Variants in PTK2B observed in about 807,000 individuals in gnomAD.
The protein encoded by PTK2B is protein-tyrosine kinase 2-beta.
In PTK2B, 71 loss-of-function variants were observed where a neutral mutation model predicts 142.9. The ratio of observed to expected loss-of-function variants is 0.50; its 90% CI spans 0.41 to 0.61. PTK2B has a LOEUF of 0.61. Among genes scored for constraint, PTK2B ranks in the 20% least tolerant of loss-of-function variants. The pLI is 0.00. For missense variants in PTK2B, 1,105 were observed against 1,320.4 expected (o/e 0.84, Z 2.53); for synonymous variants, 519 against 503.4 (o/e 1.03, Z -0.42).
At chr8:27,317,881 T>C (rs1036318136) in intron 3 of PTK2B, among the ~76,000 whole-genome samples, 3 of 152,224 alleles carry the variant, frequency 2.0e-5, no homozygotes, top group Non-Finnish European at 2.9e-5. Context: ...GACAGCCAAC[T>C]TGGCAACTGG....
chr8:27,403,832 CTTCT>C (rs1434331549), intron 2 of PTK2B, among the ~76,000 whole-genome samples: 2 of 151,870 alleles, frequency 1.3e-5, no homozygotes, highest in South Asian at 2.1e-4. Flanking sequence ...TTTCTTTTTT[CTTCT>C]TTCTTCTCTC....
chr8:27,453,659 C>T (rs1248855404), intron 28 of PTK2B, among the ~76,000 whole-genome samples: 5 of 152,204 alleles, frequency 3.3e-5, no homozygotes, highest in African/African-American at 9.6e-5. Flanking sequence ...GCAGGAGGAT[C>T]GCTTGAGCCC....
chr8:27,390,723 A>C (rs1807666053), intron 1 of PTK2B, among the ~76,000 whole-genome samples: 3 of 152,194 alleles, frequency 2.0e-5, no homozygotes, highest in African/African-American at 7.2e-5. Context: ...TCTTCTTCCA[A>C]GTCACAGACA....
chr8:27,325,447 C>G (rs1046013596), upstream of PTK2B: 1 of 152,220 alleles, frequency 6.6e-6, no homozygotes, highest in East Asian at 1.9e-4. Flanking sequence ...GAGGCTGGAG[C>G]CGGCACACAC....
chr8:27,374,746 A>G (rs1351878146), intron 1 of PTK2B, among the ~76,000 whole-genome samples: 1 of 152,180 alleles, frequency 6.6e-6, no homozygotes, highest in Non-Finnish European at 1.5e-5. Flanking sequence ...CTCTGGGAGA[A>G]GCAGTCCCTC....
chr8:27,402,053 A>G (rs1215688563), intron 2 of PTK2B, among the ~76,000 whole-genome samples: 1 of 152,236 alleles, frequency 6.6e-6, no homozygotes, highest in Non-Finnish European at 1.5e-5. Context: ...CACTTCATAT[A>G]TAAGGAAACT....
At chr8:27,335,309 A>C (rs900822359) in intron 1 of PTK2B, among the ~76,000 whole-genome samples, 2 of 152,190 alleles carry the variant, frequency 1.3e-5, no homozygotes, top group African/African-American at 4.8e-5. Flanking sequence ...AAATGCTTTC[A>C]GGGCCAATTG....
intron 3 of PTK2B, among the ~76,000 whole-genome samples, 176 bp downstream of exon 3, chr8:27,420,249 C>T (rs1809661221): frequency 6.6e-6 from 1 of 152,146 alleles, no homozygotes; most frequent in Non-Finnish European, 1.5e-5. Context: ...CAGGACCTAA[C>T]CTGGGCTTCA....
intron 2 of PTK2B, among the ~76,000 whole-genome samples, chr8:27,399,673 G>C (rs2131446001): frequency 6.6e-6 from 1 of 152,314 alleles, no homozygotes; most frequent in African/African-American, 2.4e-5. Flanking sequence ...ATTATCTGGG[G>C]TCGGTGGGGA....
At chr8:27,451,672 T>C (rs956640127) in intron 27 of PTK2B, 163 bp downstream of exon 27, 6 of 1,476,892 alleles carry the variant, frequency 4.1e-6, no homozygotes, top group Non-Finnish European at 4.5e-6. Flanking sequence ...CAGCTTCCCC[T>C]CCGCTCCCTC....
chr8:27,433,302 C>A (rs1810556585), intron 10 of PTK2B, 133 bp from the exon 11 acceptor site: 8 of 743,224 alleles, frequency 1.1e-5, no homozygotes, highest in Non-Finnish European at 1.6e-5. Context: ...GGCAGGGCCC[C>A]AGGAGAGGTG....
intron 1 of PTK2B, among the ~76,000 whole-genome samples, chr8:27,385,307 G>A (rs888960210): frequency 6.6e-6 from 1 of 152,200 alleles, no homozygotes; most frequent in African/African-American, 2.4e-5. Context: ...CAAGGTCTCA[G>A]GGCTGGAGAG....
In PTK2B at chr8:27,451,366, A is replaced by T. The variant is rs1811799616; in HGVS notation, c.2524-119A>T. The T allele has an allele frequency of 4.0e-6, 6 of 1,504,390 alleles. No homozygotes were observed. In the East Asian group the frequency reaches 1.2e-4, roughly 29 times the overall value. The allele number at this position is 1,504,390 out of a possible 1,614,324, so 93.2% of individuals were successfully genotyped here. On this transcript the variant is annotated intron_variant, in intron 26 of 30. Transcript: ENST00000346049. ...CGAGCTGCTCCCAGAAGCACCCCCG[A>T]CCCCATGGCTGTAATCTCTAAACAC...
At chr8:27,311,564 C>A in exon 1 of PTK2B, 1 of 376,090 alleles carries the variant, frequency 2.7e-6, no homozygotes, top group Non-Finnish European at 4.8e-6. Flanking sequence ...GTAGGGCTTC[C>A]GTGTTACTGG....
chr8:27,383,046 A>G (rs375171297), intron 1 of PTK2B, among the ~76,000 whole-genome samples: 17 of 152,134 alleles, frequency 1.1e-4, no homozygotes, highest in African/African-American at 4.1e-4. Context: ...GTATTTTTTG[A>G]TTCTACATGA....
rs771882272 is a variant in PTK2B at position 27,451,559 on chromosome 8, A to G, written c.2548+50A>G. On this transcript the variant is annotated intron_variant, in intron 27 of 30. Coordinates refer to ENST00000346049, the MANE Select transcript of PTK2B (RefSeq NM_173176.3). The stretch of plus-strand genomic sequence containing the variant: ...GGGGTTTCCTCTTGGCACCTTGTGC[A>G]GAGCCACCATCCTTGCCCACCGCCC... 81 of 1,613,392 alleles carry G rather than the reference A, an allele frequency of 5.0e-5. No homozygotes were observed. The Middle Eastern group carries it at 6.6e-4, about 13-fold the overall frequency.
chr8:27,319,350 A>C (rs1024081272), intron 3 of PTK2B, among the ~76,000 whole-genome samples: 7 of 151,716 alleles, frequency 4.6e-5, no homozygotes, highest in Admixed American at 6.6e-5. Context: ...CGTTTTAAAA[A>C]GTTACAACAG....
At chr8:27,385,477 C>T (rs1183180276) in intron 1 of PTK2B, among the ~76,000 whole-genome samples, 2 of 152,192 alleles carry the variant, frequency 1.3e-5, no homozygotes, top group Admixed American at 1.3e-4. Flanking sequence ...TTAACCCAAG[C>T]CTGATTTTGG....
At chr8:27,390,654 T>C (rs1036095693) in intron 1 of PTK2B, among the ~76,000 whole-genome samples, 1 of 152,082 alleles carries the variant, frequency 6.6e-6, no homozygotes, top group African/African-American at 2.4e-5. Context: ...AAATTAATAA[T>C]AATTAAAATT....
Sources: gnomAD v4.1 joint callset for allele counts (sites outside exome capture counted in the v4.1 genomes callset) on GRCh38, gnomAD v4.1.1 for gene constraint, MANE v1.5 for transcripts, NCBI Gene and HGNC (gene_info 2026-07-23, HGNC 2026-07-21) for gene names.